Variants in P4HTM observed in about 807,000 individuals in gnomAD.
P4HTM encodes prolyl 4-hydroxylase, transmembrane.
P4HTM carries 33 observed loss-of-function variants against 55.3 expected under a neutral mutation model. The ratio of observed to expected loss-of-function variants is 0.60; its 90% CI spans 0.45 to 0.80. The LOEUF is 0.80. P4HTM is among the 30% of genes least tolerant of loss of function. The pLI is 0.00. For missense variants in P4HTM, 542 were observed against 696.5 expected (o/e 0.78, Z 2.50); for synonymous variants, 272 against 286.4 (o/e 0.95, Z 0.51).
Position 48,990,422 on chromosome 3 carries a change from T to C in P4HTM, c.166T>C (p.Cys56Arg), listed in dbSNP as rs1483761521. Residue 56 changes from cysteine to arginine, a missense_variant, in exon 1 of 9, where the codon TGC becomes CGC. Transcript: ENST00000383729. The surrounding 1 kb of genome is among the most constrained non-coding windows in gnomAD (Gnocchi z 7.2). ...VRPLCKPRGI[C>R]SRAYFLVLMV... ...TCCGCTGTGCAAGCCCCGCGGCATC[T>C]GCTCGCGCGCCTACTTCCTGGTGCT... The C allele has an allele frequency of 1.2e-6, 2 of 1,605,882 alleles. No homozygotes were observed. Among genetic ancestry groups the C allele is most frequent in the Non-Finnish European group, 1.7e-6 (2 of 1,178,370 alleles).
chr3:49,006,076 G>C lies in P4HTM; in HGVS notation c.1177G>C (p.Asp393His). 6.2e-7 allele frequency: 1 copy of C among 1,612,586 alleles called. No homozygotes were observed. The highest frequency in any genetic ancestry group is 1.7e-4 in the Middle Eastern group (1 of 6,060). The change falls in exon 8 of 9, where the codon GAT becomes CAT. Residue 393 changes from aspartate to histidine, a missense_variant. Coordinates refer to ENST00000383729, the MANE Select transcript of P4HTM (RefSeq NM_177939.3). Reference sequence around the variant, plus strand: ...CTGCTGCCCACAGAGTCTGATTCAGGATGACGTGGACCTCCGTGACACACG... The same window carrying C: ...CTGCTGCCCACAGAGTCTGATTCAGCATGACGTGGACCTCCGTGACACACG... The part of the protein sequence containing the change: ...RTYDEMSLIQ[D>H]DVDLRDTRRH...
intron 2 of P4HTM, among the ~76,000 whole-genome samples, chr3:48,993,185 C>T (rs2092935808): frequency 6.6e-6 from 1 of 151,894 alleles, no homozygotes; most frequent in African/African-American, 2.4e-5. Flanking sequence ...GCCTGTAATC[C>T]CAGCTACTTG....
chr3:49,005,329 C>A, intron 6 of P4HTM: 1 of 1,428,952 alleles, frequency 7.0e-7, no homozygotes, highest in South Asian at 1.5e-5. Context: ...AGGCTGGGCC[C>A]CTAGCTTGTC....
In P4HTM at chr3:49,007,036, A is replaced by G. The variant is rs569383278; in HGVS notation, c.*129A>G. 1.7e-4 allele frequency: 129 copies of G among 759,912 alleles called. 2 individuals are homozygous for G. The South Asian group carries it at 2.1e-3, about 12-fold the overall frequency. 47.1% of individuals were successfully genotyped at this position (759,912 alleles called of 1,614,324 possible). Reference sequence around the variant, plus strand: ...CTTGCCCCACCCCGCCAGCCGCGATACGGCGCAGTTCCTATATTCATGTTA... The same window carrying G: ...CTTGCCCCACCCCGCCAGCCGCGATGCGGCGCAGTTCCTATATTCATGTTA... On this transcript the variant is annotated 3_prime_UTR_variant, in exon 9 of 9. Coordinates refer to ENST00000383729, the MANE Select transcript of P4HTM (RefSeq NM_177939.3). The surrounding 1 kb of genome is among the most constrained non-coding windows in gnomAD (Gnocchi z 5.1).
intron 4 of P4HTM, 66 bp from the exon 5 acceptor site, chr3:49,004,031 GT>G: frequency 6.8e-7 from 1 of 1,476,110 alleles, no homozygotes; most frequent in South Asian, 1.3e-5. Flanking sequence ...AGGTAGGGAA[GT>G]GCAGCCTGCC....
At position 49,005,363 on chromosome 3, in the gene P4HTM, T is replaced by C. The variant is rs991198548; in HGVS notation, c.1073+317T>C. 1.3e-5 allele frequency: 18 copies of C among 1,414,982 alleles called. No homozygotes were observed. In the African/African-American group the frequency reaches 2.5e-4, roughly 19 times the overall value. 87.7% of individuals were successfully genotyped at this position (1,414,982 alleles called of 1,614,324 possible). On this transcript the variant is annotated intron_variant, in intron 6 of 8. Transcript: ENST00000383729. ...TCCTGCCCATTCCTCCAGGTGTTGATCTTGATTCCACTTAGAGAAGCTGAA... is the reference window on the plus strand; with the variant it reads ...TCCTGCCCATTCCTCCAGGTGTTGACCTTGATTCCACTTAGAGAAGCTGAA...
chr3:49,001,708 C>A, intron 3 of P4HTM, 80 bp downstream of exon 3: 2 of 1,284,228 alleles, frequency 1.6e-6, no homozygotes, highest in East Asian at 2.5e-5. Context: ...ACTTGTCCAG[C>A]CCAGGCCTGG....
At chr3:49,005,327 C>G in intron 6 of P4HTM, 1 of 1,431,184 alleles carries the variant, frequency 7.0e-7, no homozygotes, top group Non-Finnish European at 9.1e-7. Context: ...CAAGGCTGGG[C>G]CCCTAGCTTG....
At chr3:48,990,137 C>A, upstream of P4HTM, 1 of 972,728 alleles carries the variant, frequency 1.0e-6, no homozygotes, top group Non-Finnish European at 1.2e-6. The surrounding 1 kb of genome is among the most constrained non-coding windows in gnomAD (Gnocchi z 7.2). Context: ...GCTCAGCACC[C>A]CCAGGCACCG....
intron 7 of P4HTM, 84 bp downstream of exon 7, chr3:49,005,951 T>G (rs1485169053): frequency 1.9e-6 from 3 of 1,540,506 alleles, no homozygotes; most frequent in Non-Finnish European, 2.6e-6. Context: ...TCTAAGGATG[T>G]GGGCCCAAAT....
intron 6 of P4HTM, chr3:49,005,301 G>A (rs2106670068): frequency 6.9e-7 from 1 of 1,440,220 alleles, no homozygotes; most frequent in Non-Finnish European, 9.1e-7. Flanking sequence ...TGCCCCCTGA[G>A]TTCTGAAGCA....
In P4HTM at chr3:49,002,362, G is replaced by A. The variant is rs1001242840; in HGVS notation, c.628-138G>A. On this transcript the variant is annotated intron_variant, in intron 3 of 8. Coordinates refer to ENST00000383729, the MANE Select transcript of P4HTM (RefSeq NM_177939.3). The surrounding 1 kb of genome is among the most constrained non-coding windows in gnomAD (Gnocchi z 4.4). ...GTACCTTTCTACCTGCACTCACTTT[G>A]GCCCAATGGGCTCTGCCCTGTGTCC... The A allele has an allele frequency of 5.8e-6, 4 of 690,096 alleles. No individual in the cohort carries two copies. The highest frequency in any genetic ancestry group is 1.0e-5 in the Non-Finnish European group (4 of 387,894). The allele number at this position is 690,096 out of a possible 1,614,324, so 42.7% of individuals were successfully genotyped here. A position where few individuals can be genotyped will look rare whatever the true frequency, so the allele number is the denominator to read the frequency against.
Position 48,990,720 on chromosome 3 carries a change from C to G in P4HTM, c.354+110C>G. On this transcript the variant is annotated intron_variant, in intron 1 of 8. Transcript: ENST00000383729. The surrounding 1 kb of genome is among the most constrained non-coding windows in gnomAD (Gnocchi z 7.2). Reference sequence around the variant, plus strand: ...GCCCCCGGCGCTGCTCTGCGTCGGTCCCGCGCGCTCCCACTCACTCGCCTG... The same window carrying G: ...GCCCCCGGCGCTGCTCTGCGTCGGTGCCGCGCGCTCCCACTCACTCGCCTG... The G allele has an allele frequency of 6.8e-7, 1 of 1,465,784 alleles. No individual in the cohort carries two copies. The highest frequency in any genetic ancestry group is 9.2e-7 in the Non-Finnish European group (1 of 1,086,152). 90.8% of individuals were successfully genotyped at this position (1,465,784 alleles called of 1,614,324 possible).
intron 2 of P4HTM, 195 bp downstream of exon 2, chr3:48,991,109 T>C: frequency 3.6e-6 from 2 of 560,482 alleles, no homozygotes; most frequent in Non-Finnish European, 6.4e-6. Flanking sequence ...CTCCCTGCAG[T>C]CCATTCTTCC....
intron 2 of P4HTM, among the ~76,000 whole-genome samples, chr3:48,995,529 G>T (rs2092943081): frequency 6.6e-6 from 1 of 152,138 alleles, no homozygotes; most frequent in Non-Finnish European, 1.5e-5. Flanking sequence ...GCATATGTAA[G>T]AGGACTGATT....
intron 2 of P4HTM, chr3:48,997,129 T>C (rs1172307996): frequency 2.0e-5 from 3 of 152,270 alleles, no homozygotes; most frequent in Non-Finnish European, 4.4e-5. Flanking sequence ...GAGGGTTGTA[T>C]GTGTTTCCAT....
At chr3:48,998,479 G>A (rs2092952422) in intron 2 of P4HTM, 1 of 152,232 alleles carries the variant, frequency 6.6e-6, no homozygotes, top group African/African-American at 2.4e-5. Context: ...AACGACACTG[G>A]TCGCCTAGCA....
At chr3:48,994,594 A>C (rs1177937986) in intron 2 of P4HTM, among the ~76,000 whole-genome samples, 1 of 152,168 alleles carries the variant, frequency 6.6e-6, no homozygotes, top group Non-Finnish European at 1.5e-5. Context: ...TTGGTAGGGA[A>C]ATAAAGGATT....
At chr3:48,998,714 G>A (rs902590376) in intron 2 of P4HTM, among the ~76,000 whole-genome samples, 2 of 152,174 alleles carry the variant, frequency 1.3e-5, no homozygotes, top group Admixed American at 1.3e-4. Context: ...AAAGGCCTTC[G>A]GGGCACCGCA....
Sources: allele counts gnomAD v4.1 joint callset (sites outside exome capture counted in the v4.1 genomes callset), GRCh38; gene constraint gnomAD v4.1.1; non-coding constraint Gnocchi (gnomAD v3.1); transcripts MANE v1.5; gene names NCBI Gene and HGNC (gene_info 2026-07-23, HGNC 2026-07-21).